Variants in SGCD observed in about 807,000 individuals in gnomAD.
The protein encoded by SGCD is sarcoglycan delta.
SGCD carries 18 observed loss-of-function variants against 36.6 expected under a neutral mutation model. That is an observed-to-expected ratio of 0.49 (90% CI 0.34 to 0.73). The LOEUF is 0.73. Ranked by LOEUF, SGCD falls within the 30% of genes least tolerant of loss-of-function variation. The probability of loss-of-function intolerance (pLI) is 0.01; values close to 1 mark genes in which losing one functional copy is unlikely to be tolerated. For missense variants in SGCD, 387 were observed against 346.7 expected (o/e 1.12, Z -0.92); for synonymous variants, 133 against 130.6 (o/e 1.02, Z -0.12).
In SGCD at chr5:156,570,753, A is replaced by G. The variant is rs565617188; in HGVS notation, c.295-18478A>G. 5.6e-4 allele frequency among the ~76,000 whole-genome samples: 86 copies of G among 152,300 alleles called. 2 individuals are homozygous for G. In the South Asian group the frequency reaches 0.017, roughly 30 times the overall value. On this transcript the variant is annotated intron_variant, in intron 4 of 8. Coordinates refer to ENST00000337851, the MANE Select transcript of SGCD (RefSeq NM_000337.6). ...ATTTCATCACCCAGGTATTAAACCT[A>G]TTAATAGTATCCATGAGTTATCTTT...
At chr5:156,322,279 G>A (rs1489806084), upstream of SGCD, among the ~76,000 whole-genome samples, 2 of 152,140 alleles carry the variant, frequency 1.3e-5, no homozygotes, top group African/African-American at 2.4e-5. Flanking sequence ...AAGAGTAAAT[G>A]AGATCTAAAA....
chr5:156,045,040 C>T (rs985311034), intron 1 of SGCD, among the ~76,000 whole-genome samples: 3 of 152,156 alleles, frequency 2.0e-5, no homozygotes, highest in Non-Finnish European at 4.4e-5. Flanking sequence ...TGAGCACCTT[C>T]TTGCTACAGT....
intron 3 of SGCD, among the ~76,000 whole-genome samples, chr5:156,473,236 C>G (rs1755045627): frequency 6.6e-6 from 1 of 151,654 alleles, no homozygotes; most frequent in Admixed American, 6.5e-5. Context: ...TCCAAGGCCA[C>G]CAGTAGATGC....
At chr5:155,923,049 C>T (rs1756920825) in intron 1 of SGCD, among the ~76,000 whole-genome samples, 1 of 152,138 alleles carries the variant, frequency 6.6e-6, no homozygotes, top group Non-Finnish European at 1.5e-5. Flanking sequence ...TGATTCTTAC[C>T]ACTGTTAACA....
chr5:155,743,030 G>A, the SGCD span, among the ~76,000 whole-genome samples: 1 of 152,156 alleles, frequency 6.6e-6, no homozygotes, highest in Non-Finnish European at 1.5e-5. Context: ...CCCTCTCTAG[G>A]TGTACCATCC....
intron 4 of SGCD, among the ~76,000 whole-genome samples, chr5:156,526,975 T>C (rs953318639): frequency 6.6e-6 from 1 of 152,198 alleles, no homozygotes; most frequent in African/African-American, 2.4e-5. Context: ...GCCAGAGTTC[T>C]GGTAGGAGAA....
At chr5:156,576,179 G>T (rs1429172868) in intron 4 of SGCD, among the ~76,000 whole-genome samples, 1 of 151,882 alleles carries the variant, frequency 6.6e-6, no homozygotes, top group African/African-American at 2.4e-5. Context: ...GCGGTGTTTG[G>T]TTTTCTGTCC....
chr5:156,111,542 T>A, intron 1 of SGCD, among the ~76,000 whole-genome samples: 1 of 152,172 alleles, frequency 6.6e-6, no homozygotes, highest in Admixed American at 6.5e-5. Flanking sequence ...GCTATTATAA[T>A]AATGCAGACA....
intron 3 of SGCD, 38 bp downstream of exon 3, chr5:156,344,715 G>A (rs770199960): frequency 5.2e-5 from 77 of 1,491,474 alleles, no homozygotes; most frequent in Middle Eastern, 3.4e-4. Flanking sequence ...GCTTTCTTCC[G>A]GGAGGGGAAG....
At chr5:156,618,121 T>A (rs1448777870) in intron 6 of SGCD, among the ~76,000 whole-genome samples, 1 of 152,186 alleles carries the variant, frequency 6.6e-6, no homozygotes, top group Non-Finnish European at 1.5e-5. Flanking sequence ...GCTGAAGGAT[T>A]ATATTTTAGA....
At chr5:156,487,478 A>T (rs746986321) in intron 3 of SGCD, among the ~76,000 whole-genome samples, 3 of 152,178 alleles carry the variant, frequency 2.0e-5, no homozygotes, top group Non-Finnish European at 4.4e-5. Context: ...CCAAAGGAAC[A>T]CAATAATTCA....
the SGCD span, among the ~76,000 whole-genome samples, chr5:155,761,433 CCAT>C: frequency 2.7e-5 from 4 of 149,782 alleles, no homozygotes; most frequent in East Asian, 8.1e-4. Context: ...ATCACCCTCT[CCAT>C]CATCCTCACC....
intron 7 of SGCD, among the ~76,000 whole-genome samples, chr5:156,731,345 G>A (rs284444): frequency 0.78 from 117,956 of 152,092 alleles, 46,171 homozygotes; most frequent in South Asian, 0.85. Flanking sequence ...GTCCTAGGTT[G>A]TTTTCCAGGG....
chr5:156,621,944 C>A (rs1330125120), intron 6 of SGCD, among the ~76,000 whole-genome samples: 2 of 152,090 alleles, frequency 1.3e-5, no homozygotes, highest in Non-Finnish European at 2.9e-5. Flanking sequence ...AGAAAACTGA[C>A]AAATAGGCAA....
rs545174056 is a variant in SGCD, at chr5:156,144,392, A to G, written c.-44+20373A>G. Among the ~76,000 whole-genome samples the G allele has an allele frequency of 4.9e-3, 747 of 152,280 alleles. 5 individuals are homozygous for G. Among genetic ancestry groups the G allele is most frequent in the African/African-American group, 0.017 (722 of 41,526 alleles). ...GTTCCTATTTCTCCACATCCTCTCCAGAACCTGTTGTTTCCTGACTTCTTA... is the reference window on the plus strand; with the variant it reads ...GTTCCTATTTCTCCACATCCTCTCCGGAACCTGTTGTTTCCTGACTTCTTA... On this transcript the variant is annotated intron_variant, in intron 3 of 9. Coordinates refer to the SGCD transcript ENST00000517913.
chr5:155,794,199 T>G, the SGCD span, among the ~76,000 whole-genome samples: 1 of 152,110 alleles, frequency 6.6e-6, no homozygotes, highest in Non-Finnish European at 1.5e-5. Context: ...TCTCTGGTAA[T>G]CACCTCGAAT....
At chr5:155,899,498 T>C (rs1756339870) in intron 1 of SGCD, among the ~76,000 whole-genome samples, 1 of 152,218 alleles carries the variant, frequency 6.6e-6, no homozygotes, top group South Asian at 2.1e-4. Flanking sequence ...CCTTGTTCTT[T>C]CCATGTCATG....
At chr5:156,034,687 G>A (rs1759444991) in intron 1 of SGCD, among the ~76,000 whole-genome samples, 1 of 152,158 alleles carries the variant, frequency 6.6e-6, no homozygotes, top group Admixed American at 6.6e-5. Context: ...TTCAAGGCAA[G>A]TCAGAATCAG....
intron 1 of SGCD, among the ~76,000 whole-genome samples, chr5:155,973,410 C>T (rs1758044726): frequency 6.6e-6 from 1 of 152,182 alleles, no homozygotes. Flanking sequence ...GTCGTGCCAG[C>T]ACAAGTGTTA....
Sources: allele counts gnomAD v4.1 joint callset (sites outside exome capture counted in the v4.1 genomes callset), GRCh38; gene constraint gnomAD v4.1.1; transcripts MANE v1.5; gene names NCBI Gene and HGNC (gene_info 2026-07-23, HGNC 2026-07-21).